Variants in ZNF410 observed in about 807,000 individuals in gnomAD.
ZNF410 encodes zinc finger protein 410, also known as another partner for ARF 1.
A neutral mutation model predicts 54.8 loss-of-function variants in ZNF410; 18 were observed. The ratio of observed to expected loss-of-function variants is 0.33; its 90% confidence interval spans 0.23 to 0.49. The LOEUF is 0.49. Among genes scored for constraint, ZNF410 ranks in the 20% least tolerant of loss-of-function variants. ZNF410 has a pLI of 0.99. For missense variants in ZNF410, 405 were observed against 569.6 expected (o/e 0.71, Z 2.94); for synonymous variants, 191 against 207.3 (o/e 0.92, Z 0.68).
chr14:73,904,590 T>C (rs2055454241), intron 6 of ZNF410, among the ~76,000 whole-genome samples: 1 of 152,104 alleles, frequency 6.6e-6, no homozygotes. Context: ...CAGCCTCACT[T>C]GGGATTACAG....
Position 73,893,883 on chromosome 14 carries a change from C to T in ZNF410, c.120C>T (p.Ser40=), listed in dbSNP as rs755717902. ...AAGCTAAAGATATTACTTGCTTGTC[C>T]CTCCTTCCCGTGACTGAAGCCTCAG... ...ESEAKDITCL[S]LLPVTEASEC... Residue 40 remains serine, a synonymous_variant, in exon 3 of 12, where the codon TCC becomes TCT. Coordinates refer to ENST00000555044, the MANE Select transcript of ZNF410 (RefSeq NM_021188.3). 1 of 1,613,850 alleles carries T rather than the reference C, an allele frequency of 6.2e-7. No homozygotes were observed. Among genetic ancestry groups the T allele is most frequent in the African/African-American group, 1.3e-5 (1 of 74,872 alleles).
chr14:73,889,767 A>G (rs1197442974), intron 1 of ZNF410, among the ~76,000 whole-genome samples: 2 of 150,878 alleles, frequency 1.3e-5, no homozygotes, highest in Non-Finnish European at 3.0e-5. Context: ...TGGAAGGAGC[A>G]TTTCCATTTA....
rs546016197 is a variant in ZNF410 at position 73,902,977 on chromosome 14, A to G, written c.581-983A>G. The stretch of plus-strand genomic sequence containing the variant: ...AATTCCTTAAGTATTTTATAACTAA[A>G]GAAGGGTGGTACAGGAAATTGGAAG... On this transcript the variant is annotated intron_variant, in intron 5 of 11. Transcript: ENST00000555044. 3.3e-5 allele frequency among the ~76,000 whole-genome samples: 5 copies of G among 152,354 alleles called. No individual in the cohort carries two copies. In the East Asian group the frequency reaches 9.6e-4, roughly 29 times the overall value.
intron 5 of ZNF410, among the ~76,000 whole-genome samples, chr14:73,903,522 C>T: frequency 6.6e-6 from 1 of 152,268 alleles, no homozygotes; most frequent in Middle Eastern, 3.4e-3. Flanking sequence ...CAGATTCTTG[C>T]TCTGTCACCC....
In ZNF410 at chr14:73,909,610, G is replaced by GC. The variant is rs1045272273; in HGVS notation, c.1003+180_1003+181insC. The GC allele has an allele frequency of 1.2e-5, 6 of 503,912 alleles. 1 individual carries two copies. The Admixed American group carries it at 2.2e-4, about 19-fold the overall frequency. The allele number at this position is 503,912 out of a possible 1,614,324, so 31.2% of individuals were successfully genotyped here. A position where few individuals can be genotyped will look rare whatever the true frequency, so the allele number is the denominator to read the frequency against. On this transcript the variant is annotated intron_variant, in intron 8 of 11. Coordinates refer to ENST00000555044, the MANE Select transcript of ZNF410 (RefSeq NM_021188.3). ...CCTTAATTCTTATAATCAAGGTTGG[G>GC]GGGGGGACATCTAATTATTATTTTC... is the stretch of plus-strand genomic sequence containing the variant.
At position 73,893,532 on chromosome 14, in the gene ZNF410, T is replaced by C. The variant is rs201581901; in HGVS notation, c.34-265T>C. 183 of 326,812 alleles carry C rather than the reference T, an allele frequency of 5.6e-4. No individual in the cohort carries two copies. The East Asian group carries it at 8.8e-3, about 16-fold the overall frequency. The allele number at this position is 326,812 out of a possible 1,614,324, so 20.2% of individuals were successfully genotyped here. A position where few individuals can be genotyped will look rare whatever the true frequency, so the allele number is the denominator to read the frequency against. Reference sequence around the variant, plus strand: ...AAACGTGGAAAAAGTACAATAAAAATAGGATATTACAATCTCACAGGACCA... The same window carrying C: ...AAACGTGGAAAAAGTACAATAAAAACAGGATATTACAATCTCACAGGACCA... On this transcript the variant is annotated intron_variant, in intron 2 of 11. Coordinates refer to ENST00000555044, the MANE Select transcript of ZNF410 (RefSeq NM_021188.3).
At chr14:73,907,612 C>T (rs1231617065) in intron 7 of ZNF410, among the ~76,000 whole-genome samples, 1 of 150,752 alleles carries the variant, frequency 6.6e-6, no homozygotes, top group African/African-American at 2.4e-5. Flanking sequence ...AAAATTTTGA[C>T]TGGGTGCAAT....
At chr14:73,909,274 G>T in intron 7 of ZNF410, 67 bp from the exon 8 acceptor site, 1 of 1,352,790 alleles carries the variant, frequency 7.4e-7, no homozygotes, top group Non-Finnish European at 1.0e-6. Flanking sequence ...AAAGTTGGTG[G>T]GAAAAGAGAG....
rs2055644773 is a variant in ZNF410 at position 73,915,167 on chromosome 14, C to T, written c.1003+5737C>T. 2.7e-5 allele frequency among the ~76,000 whole-genome samples: 4 copies of T among 148,194 alleles called. No individual in the cohort carries two copies. In the South Asian group the frequency reaches 9.0e-4, roughly 33 times the overall value. ...ATCCCAGCTATTCAGGTGGCTGAGG[C>T]ATGAGAATCGCTTAAACCCAGGAGG... On this transcript the variant is annotated intron_variant, in intron 8 of 11. Coordinates refer to ENST00000555044, the MANE Select transcript of ZNF410 (RefSeq NM_021188.3).
intron 6 of ZNF410, 119 bp downstream of exon 6, chr14:73,904,229 G>T: frequency 2.0e-6 from 2 of 1,020,186 alleles, no homozygotes; most frequent in East Asian, 2.6e-5. Context: ...GTTAACTTCT[G>T]GTTAAGATAT....
chr14:73,906,699 G>T (rs1212629685), intron 7 of ZNF410, among the ~76,000 whole-genome samples: 1 of 151,746 alleles, frequency 6.6e-6, no homozygotes, highest in African/African-American at 2.4e-5. Context: ...GGCTGTTCTC[G>T]AATTCCTGAC....
At chr14:73,889,932 G>A (rs1435154543) in intron 1 of ZNF410, among the ~76,000 whole-genome samples, 1 of 151,600 alleles carries the variant, frequency 6.6e-6, no homozygotes, top group Non-Finnish European at 1.5e-5. Context: ...GAGTAGCTGG[G>A]TCTGCAGGCA....
Position 73,921,095 on chromosome 14 carries a change from G to C in ZNF410, c.1119G>C (p.Gln373His). The change falls in exon 9 of 12, where the codon CAG (glutamine) becomes CAC (histidine). Residue 373 changes from glutamine to histidine, a missense_variant. Around this residue, in one of 3 missense-constraint regions of ZNF410, gnomAD observed 127 missense variants for 141.3 expected, o/e 0.90. Transcript: ENST00000555044. ...TGGGAGCAGCTGGGAGTCAAGAGCA[G>C]GAGCAAACTGGTGAGGAGGGTGGGC... ...LQLGAAGSQE[Q>H]EQTAEPLMGS... 1 of 1,614,006 alleles carries C rather than the reference G, an allele frequency of 6.2e-7. No individual in the cohort carries two copies. The highest frequency in any genetic ancestry group is 1.1e-5 in the South Asian group (1 of 91,078).
intron 1 of ZNF410, among the ~76,000 whole-genome samples, chr14:73,887,854 G>T (rs998749627): frequency 4.6e-5 from 7 of 152,118 alleles, no homozygotes; most frequent in Admixed American, 3.3e-4. Context: ...TCTAGCTCTG[G>T]GGAGTTTTTC....
At chr14:73,927,566 T>C (rs1409316556) in intron 11 of ZNF410, among the ~76,000 whole-genome samples, 7 of 152,166 alleles carry the variant, frequency 4.6e-5, no homozygotes, top group Non-Finnish European at 1.5e-5. Context: ...CTCTCCTGTA[T>C]TGGTAAATAT....
intron 8 of ZNF410, among the ~76,000 whole-genome samples, chr14:73,919,255 C>T (rs1316654119): frequency 6.6e-6 from 1 of 151,816 alleles, no homozygotes; most frequent in Non-Finnish European, 1.5e-5. Context: ...CCTCGGCCTC[C>T]CAAAGTGCTG....
intron 2 of ZNF410, 26 bp from the exon 3 acceptor site, chr14:73,893,771 C>T: frequency 6.3e-7 from 1 of 1,585,250 alleles, no homozygotes; most frequent in East Asian, 2.2e-5. Context: ...ACTCGTATTT[C>T]TCAGTGTTGT....
chr14:73,908,159 G>A (rs1048739799), intron 7 of ZNF410, among the ~76,000 whole-genome samples: 9 of 152,102 alleles, frequency 5.9e-5, no homozygotes, highest in Non-Finnish European at 1.2e-4. Flanking sequence ...CCATTTTGCT[G>A]CATTGTCTTT....
At chr14:73,931,065 G>T (rs1219900562) in intron 11 of ZNF410, among the ~76,000 whole-genome samples, 1 of 152,152 alleles carries the variant, frequency 6.6e-6, no homozygotes, top group African/African-American at 2.4e-5. Context: ...TCTTTTATGA[G>T]TGGGTTTCAG....
Sources: gnomAD v4.1 joint callset for allele counts (sites outside exome capture counted in the v4.1 genomes callset) on GRCh38, gnomAD v4.1.1 for gene constraint, gnomAD v4.1.1 regional missense constraint, MANE v1.5 for transcripts, NCBI Gene and HGNC (gene_info 2026-07-23, HGNC 2026-07-21) for gene names.